SLC35B3: variants seen among roughly 807,000 people sequenced by gnomAD.
SLC35B3 encodes solute carrier family 35 member B3.
In SLC35B3, 35 loss-of-function variants were observed where a neutral mutation model predicts 44.1. The ratio of observed to expected loss-of-function variants is 0.79; its 90% CI spans 0.61 to 1.05. SLC35B3 has a LOEUF of 1.05. SLC35B3 is among the 50% of genes least tolerant of loss of function. The pLI, the probability that SLC35B3 is intolerant of heterozygous loss-of-function variation, is 0.00. For missense variants in SLC35B3, 414 were observed against 476.4 expected, an observed-to-expected ratio of 0.87 and a Z score of 1.22; for synonymous variants, 146 against 167.3, an observed-to-expected ratio of 0.87 and a Z score of 0.98.
At position 8,412,792 on chromosome 6, in the gene SLC35B3, A is replaced by T. The variant is rs1260285200; in HGVS notation, c.*757T>A. ...CAAACCCCTTGCATATGCGGTTCAT[A>T]ACAGGGTTCCCGCTGCTATGAGAAT... On this transcript the variant is annotated 3_prime_UTR_variant, in exon 11 of 11. Transcript: ENST00000644923. 6.6e-6 allele frequency among the ~76,000 whole-genome samples: 1 copy of T among 152,142 alleles called. No individual in the cohort carries two copies. Among genetic ancestry groups the T allele is most frequent in the Non-Finnish European group, 1.5e-5 (1 of 68,020 alleles).
rs892950077 is a variant in SLC35B3 at position 8,413,482 on chromosome 6, C to T, written c.*67G>A. 7 of 1,406,388 alleles carry T rather than the reference C, an allele frequency of 5.0e-6. No homozygotes were observed. In the African/African-American group the frequency reaches 8.8e-5, roughly 18 times the overall value. 87.1% of individuals were successfully genotyped at this position (1,406,388 alleles called of 1,614,324 possible). A position where few individuals can be genotyped will look rare whatever the true frequency, so the allele number is the denominator to read the frequency against. ...CCAGATCCTTTGGTTTTTATCAGTC[C>T]CTTTGGAAAGTTAATTAATTGATGA... On this transcript the variant is annotated 3_prime_UTR_variant, in exon 11 of 11. Coordinates refer to ENST00000644923, the MANE Select transcript of SLC35B3 (RefSeq NM_001370476.2).
chr6:8,429,745 CAAATTT>C, intron 3 of SLC35B3, 113 bp downstream of exon 2: 1 of 706,814 alleles, frequency 1.4e-6, no homozygotes, highest in South Asian at 2.2e-5. Flanking sequence ...CTAAAAAATT[CAAATTT>C]ATGAATCAGC....
chr6:8,420,877 G>A lies in SLC35B3; in HGVS notation c.575-49C>T. 7.1e-7 allele frequency: 1 copy of A among 1,403,148 alleles called. No homozygotes were observed. Among genetic ancestry groups the A allele is most frequent in the Non-Finnish European group, 1.0e-6 (1 of 1,004,728 alleles). 86.9% of individuals were successfully genotyped at this position (1,403,148 alleles called of 1,614,324 possible). A position where few individuals can be genotyped will look rare whatever the true frequency, so the allele number is the denominator to read the frequency against. ...ACTTCATTATGCAAATACCCACCCA[G>A]CTTTATATTTGCTCTATGTGTTAAG... On this transcript the variant is annotated intron_variant, in intron 5 of 10. Coordinates refer to ENST00000644923, the MANE Select transcript of SLC35B3 (RefSeq NM_001370476.2). The surrounding 1 kb of genome is among the most constrained non-coding windows in gnomAD (Gnocchi z 4.4).
rs548491919 is a variant in SLC35B3 at position 8,413,144 on chromosome 6, TATAAC to T, written c.*400_*404del. On this transcript the variant is annotated 3_prime_UTR_variant, in exon 11 of 11. Transcript: ENST00000644923. ...AGACTTCAACTCATCAGTTTACTCT[TATAAC>T]AGAGAATCAATTTAAATAACACCAT... 2.5e-4 allele frequency: 40 copies of T among 157,972 alleles called. No individual in the cohort carries two copies. Among genetic ancestry groups the T allele is most frequent in the Non-Finnish European group, 4.9e-4 (35 of 71,642 alleles). 9.8% of individuals were successfully genotyped at this position (157,972 alleles called of 1,614,324 possible).
chr6:8,418,550 C>T (rs575937695), intron 7 of SLC35B3, among the ~76,000 whole-genome samples: 1 of 109,560 alleles, frequency 9.1e-6, no homozygotes, highest in East Asian at 2.4e-4. Flanking sequence ...AAAGACACTA[C>T]TTGCAAAAAA....
rs112389460 is a variant in SLC35B3, at chr6:8,411,771, C to G, written c.*1778G>C. Among the ~76,000 whole-genome samples the G allele has an allele frequency of 1.7e-3, 262 of 152,196 alleles. No homozygotes were observed. Among genetic ancestry groups the G allele is most frequent in the African/African-American group, 6.0e-3 (248 of 41,528 alleles). On this transcript the variant is annotated 3_prime_UTR_variant, in exon 11 of 11. Transcript: ENST00000644923. Reference sequence around the variant, plus strand: ...AATTTTAAGAATGAGATTAACTATTCCAAGTATATTATACTCACAAAATAT... The same window carrying G: ...AATTTTAAGAATGAGATTAACTATTGCAAGTATATTATACTCACAAAATAT...
intron 5 of SLC35B3, 95 bp downstream of exon 4, chr6:8,422,375 G>T: frequency 1.0e-6 from 1 of 959,204 alleles, no homozygotes; most frequent in Non-Finnish European, 1.6e-6. Flanking sequence ...AATGCTCATT[G>T]AAAATGTAAT....
chr6:8,429,978 T>G lies in SLC35B3; in HGVS notation c.183A>C (p.Ser61=), dbSNP rs1318159176. Residue 61 remains serine, a synonymous_variant, in exon 3 of 11, where the codon TCA becomes TCC. Coordinates refer to ENST00000644923, the MANE Select transcript of SLC35B3 (RefSeq NM_001370476.2). Reference sequence around the variant, plus strand: ...TGCCAAGTACCACAACGTCGTCAACTGACTTGATGTGTGGTGACATTGTTT... The same window carrying G: ...TGCCAAGTACCACAACGTCGTCAACGGACTTGATGTGTGGTGACATTGTTT... The G allele has an allele frequency of 5.0e-6, 8 of 1,613,336 alleles. No individual in the cohort carries two copies. Among genetic ancestry groups the G allele is most frequent in the Non-Finnish European group, 6.8e-6 (8 of 1,179,806 alleles).
At chr6:8,417,955 C>T (rs1207416999) in intron 7 of SLC35B3, among the ~76,000 whole-genome samples, 1 of 152,066 alleles carries the variant, frequency 6.6e-6, no homozygotes, top group East Asian at 1.9e-4. Context: ...TCCCAATTTA[C>T]TATGCTTTTC....
chr6:8,422,753 T>TA (rs879785553), intron 4 of SLC35B3, 129 bp from the exon 4 acceptor site: 7 of 705,494 alleles, frequency 9.9e-6, no homozygotes, highest in Non-Finnish European at 1.6e-5. Flanking sequence ...GAAATATCAG[T>TA]AAAAAATATC....
At position 8,435,473 on chromosome 6, in the gene SLC35B3, C is replaced by A; in HGVS notation, c.-174G>T. The A allele has an allele frequency of 1.9e-6, 2 of 1,077,722 alleles. No homozygotes were observed. The highest frequency in any genetic ancestry group is 2.7e-5 in the South Asian group (2 of 73,540). 66.8% of individuals were successfully genotyped at this position (1,077,722 alleles called of 1,614,324 possible). A position where few individuals can be genotyped will look rare whatever the true frequency, so the allele number is the denominator to read the frequency against. On this transcript the variant is annotated 5_prime_UTR_variant, in exon 1 of 11. Transcript: ENST00000644923. The surrounding 1 kb of genome is among the most constrained non-coding windows in gnomAD (Gnocchi z 5.5). ...CTCCTCCTCCTCGCCCACTCCTGCA[C>A]TTTCCACCGCGGCGGTCGCCTCCCC...
chr6:8,430,228 ATACTT>A (rs1056088846), intron 2 of SLC35B3, 71 bp from the exon 2 acceptor site: 35 of 1,337,662 alleles, frequency 2.6e-5, no homozygotes, highest in African/African-American at 1.6e-4. Context: ...ATTCCAAATC[ATACTT>A]TAAAGTTATA....
chr6:8,434,352 C>CA lies in SLC35B3; in HGVS notation c.3+32_3+33insT. The CA allele has an allele frequency of 6.2e-7, 1 of 1,603,454 alleles. No homozygotes were observed. Among genetic ancestry groups the CA allele is most frequent in the Non-Finnish European group, 8.5e-7 (1 of 1,171,484 alleles). The stretch of plus-strand genomic sequence containing the variant: ...AAAACGTGATTTTAACTATACTTTG[C>CA]CACACTCAACGTTACAAATAAAAGA... On this transcript the variant is annotated intron_variant, in intron 2 of 10. Transcript: ENST00000644923. The surrounding 1 kb of genome is among the most constrained non-coding windows in gnomAD (Gnocchi z 6.3).
At chr6:8,416,216 G>A (rs1451096511) in intron 9 of SLC35B3, among the ~76,000 whole-genome samples, 3 of 152,144 alleles carry the variant, frequency 2.0e-5, no homozygotes, top group Non-Finnish European at 4.4e-5. Flanking sequence ...TATGATTATT[G>A]CCAGCTCTGG....
chr6:8,417,592 A>G (rs932672931), intron 7 of SLC35B3, 98 bp from the exon 7 acceptor site: 31 of 607,780 alleles, frequency 5.1e-5, no homozygotes, highest in South Asian at 1.5e-4. Flanking sequence ...TTGCAGAACA[A>G]ACATTTTAAA....
chr6:8,413,331 T>A lies in SLC35B3; in HGVS notation c.*218A>T, dbSNP rs576537280. On this transcript the variant is annotated 3_prime_UTR_variant, in exon 11 of 11. Transcript: ENST00000644923. ...AGTCCTTCATATTGACATTTTATTG[T>A]AAAGTCTGCTAGACGTGGCTCTCTT... The A allele has an allele frequency of 2.3e-6, 1 of 435,468 alleles. No homozygotes were observed. Among genetic ancestry groups the A allele is most frequent in the South Asian group, 3.8e-5 (1 of 26,222 alleles). 27.0% of individuals were successfully genotyped at this position (435,468 alleles called of 1,614,324 possible).
At chr6:8,430,657 G>A (rs1763884196) in intron 2 of SLC35B3, among the ~76,000 whole-genome samples, 2 of 151,976 alleles carry the variant, frequency 1.3e-5, no homozygotes, top group African/African-American at 4.8e-5. Flanking sequence ...AAGCAGAGAG[G>A]TTGCTTGAGA....
rs950194252 is a variant in SLC35B3, at chr6:8,420,931, A to C, written c.575-103T>G. On this transcript the variant is annotated intron_variant, in intron 5 of 10. Coordinates refer to ENST00000644923, the MANE Select transcript of SLC35B3 (RefSeq NM_001370476.2). This position sits in a 1 kb window ranked among gnomAD's most constrained non-coding sequence, Gnocchi z 4.4. ...AACATGGATTTGTTTTTTTATATCC[A>C]ATGCCAAAAACGTGAACACTTAGGT... is the stretch of plus-strand genomic sequence containing the variant. The C allele has an allele frequency of 2.4e-6, 2 of 832,842 alleles. No homozygotes were observed. The highest frequency in any genetic ancestry group is 5.6e-5 in the Admixed American group (2 of 35,972). The allele number at this position is 832,842 out of a possible 1,614,324, so 51.6% of individuals were successfully genotyped here. A position where few individuals can be genotyped will look rare whatever the true frequency, so the allele number is the denominator to read the frequency against.
chr6:8,434,362 C>A lies in SLC35B3; in HGVS notation c.3+23G>T. 2 of 1,609,456 alleles carry A rather than the reference C, an allele frequency of 1.2e-6. No individual in the cohort carries two copies. Among genetic ancestry groups the A allele is most frequent in the Non-Finnish European group, 8.5e-7 (1 of 1,176,466 alleles). ...TTTAACTATACTTTGCCACACTCAACGTTACAAATAAAAGAATCTTACCAT... is the reference window on the plus strand; with the variant it reads ...TTTAACTATACTTTGCCACACTCAAAGTTACAAATAAAAGAATCTTACCAT... On this transcript the variant is annotated intron_variant, in intron 2 of 10. Transcript: ENST00000644923. The surrounding 1 kb of genome is among the most constrained non-coding windows in gnomAD (Gnocchi z 6.3).
Sources: allele counts gnomAD v4.1 joint callset (sites outside exome capture counted in the v4.1 genomes callset), GRCh38; gene constraint gnomAD v4.1.1; non-coding constraint Gnocchi (gnomAD v3.1); transcripts MANE v1.5; gene names NCBI Gene and HGNC (gene_info 2026-07-23, HGNC 2026-07-21).